Variants in TCF7L2 observed in about 807,000 individuals in gnomAD.
TCF7L2 encodes transcription factor 7 like 2, also known as transcription factor 7-like 2.
In TCF7L2, 23 loss-of-function variants were observed where a neutral mutation model predicts 77.9. The ratio of observed to expected loss-of-function variants is 0.30; its 90% confidence interval spans 0.21 to 0.42. TCF7L2 has a LOEUF of 0.42. Ranked by LOEUF, TCF7L2 falls within the 10% of genes least tolerant of loss-of-function variation. The probability of loss-of-function intolerance (pLI) is 1.00; values close to 1 mark genes in which losing one functional copy is unlikely to be tolerated. For synonymous variants in TCF7L2, 413 were observed against 340.2 expected (o/e 1.21, Z -2.36); for missense variants, 654 against 793.1 (o/e 0.82, Z 2.11).
chr10:113,117,396 T>TCC (rs1591910557), intron 5 of TCF7L2, among the ~76,000 whole-genome samples: 3 of 54,118 alleles, frequency 5.5e-5, no homozygotes, highest in East Asian at 8.6e-4. Flanking sequence ...TCTCTCTCTC[T>TCC]CTCTCTCTCT....
At chr10:112,966,184 T>TATATATATATATATATATATATATATA (rs2036754580) in intron 4 of TCF7L2, among the ~76,000 whole-genome samples, 13 of 114,228 alleles carry the variant, frequency 1.1e-4, no homozygotes, top group African/African-American at 6.2e-4. Context: ...TAAAATATAT[T>TATATATATATATATATATATATATATA]TATATATATA....
At chr10:113,036,756 C>T (rs901566379) in intron 4 of TCF7L2, among the ~76,000 whole-genome samples, 3 of 152,000 alleles carry the variant, frequency 2.0e-5, no homozygotes, top group African/African-American at 7.3e-5. Flanking sequence ...CCCACAGCCC[C>T]ATTTGATTGC....
At chr10:113,130,255 A>G (rs982992249) in intron 5 of TCF7L2, among the ~76,000 whole-genome samples, 1 of 152,158 alleles carries the variant, frequency 6.6e-6, no homozygotes, top group African/African-American at 2.4e-5. Flanking sequence ...TTACACTTCT[A>G]TGGTAAGGCA....
Position 112,958,228 on chromosome 10 carries a change from G to T in TCF7L2, c.382-6328G>T, listed in dbSNP as rs550690954. Among the ~76,000 whole-genome samples the T allele has an allele frequency of 9.9e-5, 15 of 152,274 alleles. No homozygotes were observed. The East Asian group carries it at 2.5e-3, about 26-fold the overall frequency. ...ATTTTATTCTTTTTGTCATGCAGTAGCCCCAACCAGGTCGGTCTACGGAGG... is the reference window on the plus strand; with the variant it reads ...ATTTTATTCTTTTTGTCATGCAGTATCCCCAACCAGGTCGGTCTACGGAGG... On this transcript the variant is annotated intron_variant, in intron 3 of 13. Coordinates refer to ENST00000627217, the MANE Select transcript of TCF7L2 (RefSeq NM_001146274.2).
chr10:113,153,677 A>G (rs983424677), intron 11 of TCF7L2, among the ~76,000 whole-genome samples: 13 of 152,216 alleles, frequency 8.5e-5, no homozygotes, highest in African/African-American at 2.7e-4. Flanking sequence ...AGAGCTAGTC[A>G]TGTGACCCAA....
intron 5 of TCF7L2, chr10:113,126,711 T>C: frequency 1.0e-6 from 1 of 985,718 alleles, no homozygotes; most frequent in Non-Finnish European, 1.2e-6. Context: ...GCGCTGCTGG[T>C]GTGTGCTGCT....
intron 5 of TCF7L2, among the ~76,000 whole-genome samples, chr10:113,061,945 C>T (rs1488673604): frequency 1.3e-5 from 2 of 152,122 alleles, no homozygotes; most frequent in African/African-American, 2.4e-5. Context: ...AGAAGCATGG[C>T]ACAAATAAAA....
intron 4 of TCF7L2, among the ~76,000 whole-genome samples, chr10:112,977,452 G>A (rs892221748): frequency 4.6e-5 from 7 of 152,206 alleles, no homozygotes; most frequent in Non-Finnish European, 4.4e-5. Context: ...GCTGCTGGGA[G>A]CAGACATTGA....
intron 3 of TCF7L2, among the ~76,000 whole-genome samples, chr10:112,962,024 A>G (rs980820652): frequency 3.9e-5 from 6 of 152,166 alleles, no homozygotes; most frequent in Non-Finnish European, 5.9e-5. Flanking sequence ...CATTCTCTCT[A>G]GGATTGTTGG....
At chr10:113,089,246 C>G in intron 5 of TCF7L2, 6 of 885,530 alleles carry the variant, frequency 6.8e-6, no homozygotes, top group Non-Finnish European at 9.8e-6. Context: ...TAGGAGAGTT[C>G]TGATTTGTGC....
intron 3 of TCF7L2, among the ~76,000 whole-genome samples, chr10:112,956,344 CTT>C (rs10711698): frequency 0.011 from 1,280 of 112,214 alleles, 15 homozygotes; most frequent in East Asian, 0.061. Flanking sequence ...AGTGATTTAC[CTT>C]TTTTTTTTTT....
chr10:113,075,014 T>C (rs1037417687), intron 5 of TCF7L2, among the ~76,000 whole-genome samples: 3 of 152,202 alleles, frequency 2.0e-5, no homozygotes, highest in Admixed American at 2.0e-4. Flanking sequence ...TATTTATTTA[T>C]TTATTTATTT....
At chr10:113,102,427 G>GTTT (rs759557227) in intron 5 of TCF7L2, among the ~76,000 whole-genome samples, 1 of 141,510 alleles carries the variant, frequency 7.1e-6, no homozygotes, top group Non-Finnish European at 1.6e-5. Flanking sequence ...TTGTTTGTTT[G>GTTT]TTTTTTTTTT....
chr10:113,070,862 G>A (rs888571786), intron 5 of TCF7L2, among the ~76,000 whole-genome samples: 27 of 152,260 alleles, frequency 1.8e-4, no homozygotes, highest in Middle Eastern at 3.4e-3. Context: ...GGAGTTGTGC[G>A]AGCATCGTCA....
At chr10:113,124,732 A>T (rs1000630336) in intron 5 of TCF7L2, among the ~76,000 whole-genome samples, 3 of 151,524 alleles carry the variant, frequency 2.0e-5, no homozygotes, top group African/African-American at 7.3e-5. Flanking sequence ...TGTTGTAGAG[A>T]AAGTTCTGTG....
intron 4 of TCF7L2, among the ~76,000 whole-genome samples, chr10:113,007,298 G>A (rs1320406914): frequency 1.3e-5 from 2 of 152,290 alleles, no homozygotes; most frequent in South Asian, 2.1e-4. Flanking sequence ...CCTCCGTCAC[G>A]GGCAACCTCA....
intron 5 of TCF7L2, among the ~76,000 whole-genome samples, chr10:113,046,645 A>G (rs1013845561): frequency 2.0e-5 from 3 of 152,190 alleles, no homozygotes; most frequent in Non-Finnish European, 4.4e-5. Flanking sequence ...AGTGACTGGT[A>G]TCTTAGACTA....
intron 5 of TCF7L2, among the ~76,000 whole-genome samples, chr10:113,085,831 C>A (rs377428804): frequency 6.6e-6 from 1 of 152,214 alleles, no homozygotes; most frequent in East Asian, 1.9e-4. Flanking sequence ...CACAAATAGG[C>A]AGTGTTTCTG....
intron 5 of TCF7L2, among the ~76,000 whole-genome samples, chr10:113,066,789 T>C (rs1200594911): frequency 1.3e-5 from 2 of 152,256 alleles, no homozygotes; most frequent in Non-Finnish European, 2.9e-5. Context: ...TTCCATGTTG[T>C]TTCTGACCAT....
Sources: gnomAD v4.1 joint callset for allele counts (sites outside exome capture counted in the v4.1 genomes callset) on GRCh38, gnomAD v4.1.1 for gene constraint, MANE v1.5 for transcripts, NCBI Gene and HGNC (gene_info 2026-07-23, HGNC 2026-07-21) for gene names.